Variants in FAM149A observed in about 807,000 individuals in gnomAD.
FAM149A encodes protein FAM149A.
FAM149A carries 71 observed loss-of-function variants against 78.2 expected under a neutral mutation model. The observed-to-expected ratio is 0.91, with a 90% CI of 0.75 to 1.11. FAM149A has a LOEUF of 1.11. Among genes scored for constraint, FAM149A ranks in the 50% least tolerant of loss-of-function variants. FAM149A has a pLI of 0.00. For missense variants in FAM149A, 1,036 were observed against 971.0 expected, an observed-to-expected ratio of 1.07 and a Z score of -0.89; for synonymous variants, 446 against 410.5, an observed-to-expected ratio of 1.09 and a Z score of -1.04.
intron 9 of FAM149A, 132 bp downstream of exon 9, chr4:186,163,080 G>A (rs552933729): frequency 2.7e-4 from 177 of 649,978 alleles, no homozygotes; most frequent in Admixed American, 2.0e-3. Flanking sequence ...GCCTGAGCAC[G>A]TCTGGAAGAG....
At chr4:186,146,330 C>G in intron 1 of FAM149A, 1 of 270,690 alleles carries the variant, frequency 3.7e-6, no homozygotes, top group Non-Finnish European at 5.7e-6. Context: ...TTTTAAGGCA[C>G]CTAATTCGTA....
At chr4:186,138,127 T>A (rs1434565671) in intron 1 of FAM149A, among the ~76,000 whole-genome samples, 1 of 152,224 alleles carries the variant, frequency 6.6e-6, no homozygotes, top group Non-Finnish European at 1.5e-5. Context: ...GTGTCACAAC[T>A]AATGAACCAG....
chr4:186,116,277 A>G lies in FAM149A; in HGVS notation c.566+10635A>G, dbSNP rs193232478. 6.3e-3 allele frequency: 1,099 copies of G among 173,364 alleles called. 25 individuals are homozygous for G. The East Asian group carries it at 0.086, about 14-fold the overall frequency. 10.7% of individuals were successfully genotyped at this position (173,364 alleles called of 1,614,324 possible). On this transcript the variant is annotated intron_variant, in intron 1 of 13. Coordinates refer to ENST00000389354, the MANE Select transcript of FAM149A (RefSeq NM_001367768.3). Reference sequence around the variant, plus strand: ...TCGCGCACGGTGCGCGCACCCACTGACCTGCGCCCACTGTCTGGCACTCCC... The same window carrying G: ...TCGCGCACGGTGCGCGCACCCACTGGCCTGCGCCCACTGTCTGGCACTCCC...
chr4:186,145,327 TG>T (rs1467439086), intron 1 of FAM149A, among the ~76,000 whole-genome samples: 1 of 152,114 alleles, frequency 6.6e-6, no homozygotes, highest in Admixed American at 6.5e-5. Context: ...TTGCTGGTGT[TG>T]GGTCAGGGCG....
chr4:186,152,119 C>T lies in FAM149A; in HGVS notation c.932+74C>T, dbSNP rs1269369864. 4 of 1,453,312 alleles carry T rather than the reference C, an allele frequency of 2.8e-6. No homozygotes were observed. The East Asian group carries it at 6.9e-5, about 25-fold the overall frequency. 90.0% of individuals were successfully genotyped at this position (1,453,312 alleles called of 1,614,324 possible). On this transcript the variant is annotated intron_variant, in intron 4 of 13. Coordinates refer to ENST00000389354, the MANE Select transcript of FAM149A (RefSeq NM_001367768.3). ...CACCCCTGACCTGCCTCGATACATT[C>T]AGTACATTTGGTGTGAAAGTGCCTG...
chr4:186,150,354 G>A (rs1257773090), intron 3 of FAM149A, among the ~76,000 whole-genome samples: 2 of 144,952 alleles, frequency 1.4e-5, no homozygotes, highest in South Asian at 2.2e-4. Flanking sequence ...GTTTATGCTG[G>A]GTGTTTTGTT....
intron 1 of FAM149A, among the ~76,000 whole-genome samples, chr4:186,138,911 A>C (rs7660915): frequency 0.36 from 54,966 of 151,810 alleles, 10,280 homozygotes; most frequent in Middle Eastern, 0.53. Flanking sequence ...TCCATACTGC[A>C]CTCTTGGAGA....
chr4:186,167,313 A>C (rs2126546023), intron 13 of FAM149A, 51 bp downstream of exon 13: 1 of 1,453,742 alleles, frequency 6.9e-7, no homozygotes, highest in Non-Finnish European at 9.7e-7. Flanking sequence ...TGAGATTTCA[A>C]GTTTCAGACA....
chr4:186,164,215 G>C lies in FAM149A; in HGVS notation c.1889+582G>C, dbSNP rs766447133. 6.6e-6 allele frequency among the ~76,000 whole-genome samples: 1 copy of C among 152,108 alleles called. No individual in the cohort carries two copies. The highest frequency in any genetic ancestry group is 1.5e-5 in the Non-Finnish European group (1 of 68,026). The stretch of plus-strand genomic sequence containing the variant: ...ATTGATCACTTTCTTTGTTATCAGC[G>C]CCAGGTAAATGAATTACATTTATGA... On this transcript the variant is annotated intron_variant, in intron 10 of 13. Transcript: ENST00000389354. This position sits in a 1 kb window ranked among gnomAD's most constrained non-coding sequence, Gnocchi z 4.0.
At chr4:186,156,251 C>A in intron 7 of FAM149A, 61 bp downstream of exon 7, 1 of 1,420,580 alleles carries the variant, frequency 7.0e-7, no homozygotes, top group Non-Finnish European at 9.7e-7. Flanking sequence ...CGGCCCTGGG[C>A]TCCTGCTCCC....
intron 6 of FAM149A, 183 bp downstream of exon 6, chr4:186,154,821 A>T (rs1733906733): frequency 1.0e-6 from 1 of 985,354 alleles, no homozygotes; most frequent in Non-Finnish European, 1.2e-6. Context: ...CACGTGCGGG[A>T]GCAGCGAAGA....
Position 186,159,567 on chromosome 4 carries a change from G to A in FAM149A, c.1575+1848G>A, listed in dbSNP as rs114623782. On this transcript the variant is annotated intron_variant, in intron 8 of 13. Coordinates refer to ENST00000389354, the MANE Select transcript of FAM149A (RefSeq NM_001367768.3). ...AGTATTCTTCTGGATATGTTGTTTA[G>A]CTTTTCTGAACTTTAGTGTCCTTAG... 8.3e-3 allele frequency among the ~76,000 whole-genome samples: 1,270 copies of A among 152,152 alleles called. 20 individuals carry two copies. Among genetic ancestry groups the A allele is most frequent in the African/African-American group, 0.029 (1,202 of 41,448 alleles).
chr4:186,126,875 G>A (rs1405956848), intron 1 of FAM149A: 5 of 985,020 alleles, frequency 5.1e-6, no homozygotes, highest in African/African-American at 1.7e-5. Flanking sequence ...CCAATACAGG[G>A]GGAGGAAGAG....
chr4:186,115,427 A>G (rs376231801), intron 1 of FAM149A, among the ~76,000 whole-genome samples: 45 of 147,784 alleles, frequency 3.0e-4, no homozygotes, highest in Non-Finnish European at 3.6e-4. Context: ...GCTTTGTTCC[A>G]TTGCTGGTGA....
At chr4:186,147,578 CAAAAGAACAATGTTTT>C (rs1733155288) in intron 1 of FAM149A, among the ~76,000 whole-genome samples, 1 of 152,136 alleles carries the variant, frequency 6.6e-6, no homozygotes, top group Non-Finnish European at 1.5e-5. Flanking sequence ...ATATGTATCA[CAAAAGAACAATGTTTT>C]AGCTAATTCA....
chr4:186,167,846 G>A (rs892716135), intron 13 of FAM149A, among the ~76,000 whole-genome samples: 3 of 152,008 alleles, frequency 2.0e-5, no homozygotes, highest in Non-Finnish European at 2.9e-5. Context: ...TTCCACCCTC[G>A]CTCTGCCACC....
chr4:186,118,797 C>T (rs1046136295), intron 1 of FAM149A, among the ~76,000 whole-genome samples: 8 of 152,284 alleles, frequency 5.3e-5, no homozygotes, highest in Non-Finnish European at 1.0e-4. Context: ...TTGAGCGCTG[C>T]GGTCATCGGA....
At chr4:186,120,793 CAAA>C (rs555497937) in intron 1 of FAM149A, among the ~76,000 whole-genome samples, 2 of 66,074 alleles carry the variant, frequency 3.0e-5, no homozygotes, top group African/African-American at 5.9e-5. Flanking sequence ...GACTCCATCT[CAAA>C]AAAAAAAAAA....
chr4:186,150,877 ATGC>A, intron 3 of FAM149A: 2 of 166,938 alleles, frequency 1.2e-5, no homozygotes, highest in East Asian at 1.9e-4. Flanking sequence ...GTGCACCGCC[ATGC>A]CCAGTTAATT....
Sources: gnomAD v4.1 joint callset for allele counts (sites outside exome capture counted in the v4.1 genomes callset) on GRCh38, gnomAD v4.1.1 for gene constraint, Gnocchi (gnomAD v3.1) non-coding constraint, MANE v1.5 for transcripts, NCBI Gene and HGNC (gene_info 2026-07-23, HGNC 2026-07-21) for gene names.